GLG1: variants seen among roughly 807,000 people sequenced by gnomAD.
GLG1 encodes the protein Golgi apparatus protein 1.
GLG1 carries 38 observed loss-of-function variants against 160.5 expected under a neutral mutation model. That is an observed-to-expected ratio of 0.24 (90% CI 0.18 to 0.31). GLG1 has a LOEUF of 0.31. Among genes scored for constraint, GLG1 ranks in the 10% least tolerant of loss-of-function variants. The pLI is 1.00. For missense variants in GLG1, 1,373 were observed against 1,505.2 expected (o/e 0.91, Z 1.45); for synonymous variants, 644 against 543.4 (o/e 1.19, Z -2.57).
intron 1 of GLG1, among the ~76,000 whole-genome samples, chr16:74,541,126 C>A (rs572222050): frequency 2.0e-5 from 3 of 151,926 alleles, no homozygotes; most frequent in African/African-American, 7.3e-5. Flanking sequence ...GTGTTCGAGA[C>A]CAGCCTGGCC....
At chr16:74,589,924 G>T (rs1958135572) in intron 1 of GLG1, among the ~76,000 whole-genome samples, 1 of 152,050 alleles carries the variant, frequency 6.6e-6, no homozygotes, top group Non-Finnish European at 1.5e-5. Flanking sequence ...GTGACAGAGT[G>T]AGATTCTGTT....
chr16:74,573,014 T>C (rs1030393444), intron 1 of GLG1, among the ~76,000 whole-genome samples: 2 of 152,126 alleles, frequency 1.3e-5, no homozygotes, highest in Non-Finnish European at 2.9e-5. Context: ...ATCTGCAGAA[T>C]TGGTTGTTGG....
chr16:74,496,789 C>T (rs2016206389), intron 4 of GLG1, 145 bp from the exon 5 acceptor site: 1 of 620,244 alleles, frequency 1.6e-6, no homozygotes, highest in East Asian at 2.7e-5. Flanking sequence ...TATTAACGTT[C>T]TACCAAGAAA....
Position 74,465,864 on chromosome 16 carries a change from C to T in GLG1, c.2530-51G>A, listed in dbSNP as rs1354524933. On this transcript the variant is annotated intron_variant, in intron 18 of 25. Transcript: ENST00000422840. ...TTGAGAGATGTCAGAGACTGCTCAT[C>T]CATGTGTTCTGATTGAAACATTCAG... 5 of 1,530,242 alleles carry T rather than the reference C, an allele frequency of 3.3e-6. No homozygotes were observed. In the South Asian group the frequency reaches 5.6e-5, roughly 17 times the overall value. The allele number at this position is 1,530,242 out of a possible 1,614,324, so 94.8% of individuals were successfully genotyped here. A position where few individuals can be genotyped will look rare whatever the true frequency, so the allele number is the denominator to read the frequency against.
chr16:74,510,615 A>G (rs1340912630), intron 2 of GLG1, among the ~76,000 whole-genome samples: 1 of 152,178 alleles, frequency 6.6e-6, no homozygotes, highest in African/African-American at 2.4e-5. Context: ...TCCTAGACAA[A>G]AAAATACAGT....
At chr16:74,560,996 T>C (rs1467168648) in intron 1 of GLG1, among the ~76,000 whole-genome samples, 1 of 152,240 alleles carries the variant, frequency 6.6e-6, no homozygotes, top group East Asian at 1.9e-4. Context: ...TGAATGAATT[T>C]TTAGAAGAGA....
chr16:74,470,311 T>TCC (rs1225035371), intron 15 of GLG1, among the ~76,000 whole-genome samples: 1 of 126,772 alleles, frequency 7.9e-6, no homozygotes, highest in African/African-American at 3.1e-5. Flanking sequence ...CTTCCCTCCC[T>TCC]CCCTCCTTCC....
At chr16:74,599,668 T>A (rs1383893242) in intron 1 of GLG1, among the ~76,000 whole-genome samples, 1 of 151,610 alleles carries the variant, frequency 6.6e-6, no homozygotes, top group African/African-American at 2.4e-5. Flanking sequence ...ATCGAGACCA[T>A]CCTGGCCAAC....
intron 1 of GLG1, among the ~76,000 whole-genome samples, chr16:74,560,898 A>T (rs1232137485): frequency 6.6e-6 from 1 of 152,260 alleles, no homozygotes; most frequent in Non-Finnish European, 1.5e-5. Context: ...ATGTAAAGAA[A>T]GTAAGATATG....
At chr16:74,522,992 T>C (rs2017218480) in intron 2 of GLG1, among the ~76,000 whole-genome samples, 1 of 152,226 alleles carries the variant, frequency 6.6e-6, no homozygotes, top group Non-Finnish European at 1.5e-5. Context: ...CAATACTGTC[T>C]TTAATGAAAC....
At chr16:74,504,842 A>G (rs1458151821) in intron 3 of GLG1, among the ~76,000 whole-genome samples, 3 of 152,228 alleles carry the variant, frequency 2.0e-5, no homozygotes, top group Non-Finnish European at 4.4e-5. Flanking sequence ...AGTGCATTCC[A>G]AACCACAAAA....
intron 20 of GLG1, chr16:74,463,143 C>T: frequency 3.6e-6 from 2 of 554,692 alleles, no homozygotes; most frequent in East Asian, 3.0e-5. Flanking sequence ...TCTTTTAGGG[C>T]AGTTTTCTGG....
At chr16:74,477,308 T>C (rs978649857) in intron 12 of GLG1, 88 bp downstream of exon 12, 6 of 979,218 alleles carry the variant, frequency 6.1e-6, no homozygotes, top group African/African-American at 3.2e-5. Flanking sequence ...TAAAGAGAGA[T>C]GGATTTTATG....
At chr16:74,491,790 C>A (rs1264204502) in intron 7 of GLG1, among the ~76,000 whole-genome samples, 1 of 151,806 alleles carries the variant, frequency 6.6e-6, no homozygotes, top group Non-Finnish European at 1.5e-5. Flanking sequence ...AGGCGCCTGC[C>A]ACCACGCCCG....
chr16:74,477,585 C>G, intron 11 of GLG1, 52 bp from the exon 12 acceptor site: 1 of 1,456,716 alleles, frequency 6.9e-7, no homozygotes, highest in African/African-American at 1.4e-5. Flanking sequence ...AACAAAAACA[C>G]AAAGATATGA....
intron 1 of GLG1, among the ~76,000 whole-genome samples, chr16:74,595,988 T>A (rs1291558976): frequency 6.6e-6 from 1 of 151,862 alleles, no homozygotes; most frequent in African/African-American, 2.4e-5. Context: ...CCAGCCATGG[T>A]GCCACATGCC....
chr16:74,585,560 T>C (rs1958028749), intron 1 of GLG1, among the ~76,000 whole-genome samples: 1 of 151,864 alleles, frequency 6.6e-6, no homozygotes, highest in East Asian at 1.9e-4. Flanking sequence ...CAAAAAAAAT[T>C]AGCCGGGCAT....
At chr16:74,504,476 C>A (rs942965386) in intron 3 of GLG1, among the ~76,000 whole-genome samples, 1 of 152,018 alleles carries the variant, frequency 6.6e-6, no homozygotes, top group South Asian at 2.1e-4. Context: ...TTAGTAGAGA[C>A]GGAGTTTTGT....
Position 74,452,603 on chromosome 16 carries a change from G to A in GLG1, c.*564C>T, listed in dbSNP as rs150462359. The A allele has an allele frequency of 3.3e-3, 3,288 of 1,000,554 alleles. 5 individuals are homozygous for A. Among genetic ancestry groups the A allele is most frequent in the Non-Finnish European group, 3.7e-3 (3,141 of 838,354 alleles). The allele number at this position is 1,000,554 out of a possible 1,614,324, so 62.0% of individuals were successfully genotyped here. A position where few individuals can be genotyped will look rare whatever the true frequency, so the allele number is the denominator to read the frequency against. ...GCCTGGGGAACGGCTGCCCACCCACGCCTCGGTGAAGACCACGGCCCTGGC... is the reference window on the plus strand; with the variant it reads ...GCCTGGGGAACGGCTGCCCACCCACACCTCGGTGAAGACCACGGCCCTGGC... On this transcript the variant is annotated 3_prime_UTR_variant, in exon 26 of 26. Transcript: ENST00000422840.
Sources: gnomAD v4.1 joint callset for allele counts (sites outside exome capture counted in the v4.1 genomes callset) on GRCh38, gnomAD v4.1.1 for gene constraint, MANE v1.5 for transcripts, NCBI Gene and HGNC (gene_info 2026-07-23, HGNC 2026-07-21) for gene names.